The following VPS53 variants were observed in gnomAD, a reference collection of about 807,000 sequenced individuals.
The protein encoded by VPS53 is VPS53 subunit of GARP complex.
A neutral mutation model predicts 107.0 loss-of-function variants in VPS53; 70 were observed. The ratio of observed to expected loss-of-function variants is 0.65; its 90% confidence interval spans 0.54 to 0.80. The LOEUF (loss-of-function observed/expected upper bound fraction) is 0.80. Among genes scored for constraint, VPS53 ranks in the 30% least tolerant of loss-of-function variants. The pLI, the probability that VPS53 is intolerant of heterozygous loss-of-function variation, is 0.00. For synonymous variants in VPS53, 409 were observed against 393.3 expected (o/e 1.04, Z -0.47); for missense variants, 917 against 1,049.4 (o/e 0.87, Z 1.74).
intron 2 of VPS53, among the ~76,000 whole-genome samples, chr17:705,054 A>G (rs1973348814): frequency 6.6e-6 from 1 of 152,210 alleles, no homozygotes; most frequent in Non-Finnish European, 1.5e-5. Flanking sequence ...AAAGTTTGGA[A>G]GGATCTGCCA....
At chr17:685,806 C>G (rs930278911) in intron 4 of VPS53, among the ~76,000 whole-genome samples, 3 of 151,806 alleles carry the variant, frequency 2.0e-5, no homozygotes, top group African/African-American at 7.3e-5. Flanking sequence ...CCAAGACCAG[C>G]CAGAGCAATA....
intron 12 of VPS53, among the ~76,000 whole-genome samples, chr17:598,329 C>T (rs1278798002): frequency 2.8e-5 from 4 of 143,162 alleles, no homozygotes; most frequent in Admixed American, 6.7e-5. Context: ...ACCTCCCAGC[C>T]GCCTGCCTTG....
chr17:521,921 C>T (rs1395077285), intron 19 of VPS53, among the ~76,000 whole-genome samples, 183 bp from the exon 20 acceptor site: 1 of 151,958 alleles, frequency 6.6e-6, no homozygotes, highest in Non-Finnish European at 1.5e-5. Flanking sequence ...CTAGGAGAAA[C>T]AACATCAAGG....
At chr17:609,895 CG>C (rs1567672757) in intron 11 of VPS53, among the ~76,000 whole-genome samples, 1 of 151,860 alleles carries the variant, frequency 6.6e-6, no homozygotes, top group African/African-American at 2.4e-5. Flanking sequence ...TTTGGGAGGC[CG>C]AGGTGGGCGG....
rs536412181 is a variant in VPS53, at chr17:603,726, CTAACA to C, written c.1117-1835_1117-1831del. Among the ~76,000 whole-genome samples, 27 of 152,238 alleles carry C rather than the reference CTAACA, an allele frequency of 1.8e-4. No homozygotes were observed. In the South Asian group the frequency reaches 4.6e-3, roughly 26 times the overall value. Reference sequence around the variant, plus strand: ...ACACTCCAAACTTTGGCTTCTTTACCTAACATGAGAGAAAAAAAATCCTTAAAAAT... The same window carrying C: ...ACACTCCAAACTTTGGCTTCTTTACCTGAGAGAAAAAAAATCCTTAAAAAT... On this transcript the variant is annotated intron_variant, in intron 11 of 21. Coordinates refer to ENST00000437048, the MANE Select transcript of VPS53 (RefSeq NM_001128159.3).
At chr17:551,343 G>A (rs1013034170) in intron 17 of VPS53, among the ~76,000 whole-genome samples, 2 of 152,134 alleles carry the variant, frequency 1.3e-5, no homozygotes, top group African/African-American at 4.8e-5. Context: ...TCGGTGGGAA[G>A]ACTGCTTGAC....
chr17:583,200 G>C (rs1967137630), intron 13 of VPS53, among the ~76,000 whole-genome samples: 2 of 147,772 alleles, frequency 1.4e-5, no homozygotes, highest in African/African-American at 2.5e-5. Context: ...TATGTTCCCA[G>C]AGAACCTCCC....
intron 6 of VPS53, 28 bp downstream of exon 6, chr17:655,810 C>G: frequency 1.3e-6 from 2 of 1,589,792 alleles, no homozygotes; most frequent in African/African-American, 1.3e-5. Context: ...TTCCCGTGGC[C>G]CCAAAAGAGA....
chr17:680,933 A>G (rs894950614), intron 4 of VPS53, among the ~76,000 whole-genome samples: 8 of 152,244 alleles, frequency 5.3e-5, no homozygotes, highest in African/African-American at 1.9e-4. Context: ...AAATTTATTG[A>G]AAGGGTTTAT....
chr17:627,377 G>A (rs550251225), intron 9 of VPS53, 61 bp from the exon 10 acceptor site: 3 of 1,545,226 alleles, frequency 1.9e-6, no homozygotes, highest in Admixed American at 4.1e-5. Flanking sequence ...GCAGTTCAAG[G>A]AAACAAGCAA....
chr17:615,357 A>T (rs1241511129), intron 11 of VPS53, among the ~76,000 whole-genome samples: 1 of 152,210 alleles, frequency 6.6e-6, no homozygotes, highest in Non-Finnish European at 1.5e-5. Context: ...CATCCCACTG[A>T]AGTCAGGAGT....
chr17:522,510 C>T (rs1597241306), intron 19 of VPS53, among the ~76,000 whole-genome samples: 1 of 152,196 alleles, frequency 6.6e-6, no homozygotes, highest in South Asian at 2.1e-4. Context: ...GTTGTGTAAA[C>T]TTTAAGATCT....
intron 7 of VPS53, among the ~76,000 whole-genome samples, chr17:637,570 C>T (rs574271271): frequency 6.6e-6 from 1 of 152,242 alleles, no homozygotes; most frequent in East Asian, 1.9e-4. Flanking sequence ...TTATAAATTT[C>T]CCTCTACACA....
intron 2 of VPS53, among the ~76,000 whole-genome samples, chr17:703,532 T>C (rs1025269691): frequency 2.6e-5 from 4 of 152,174 alleles, no homozygotes; most frequent in East Asian, 1.9e-4. Flanking sequence ...GGAATCCACA[T>C]TGGCTGGGCA....
intron 4 of VPS53, among the ~76,000 whole-genome samples, chr17:667,297 G>A (rs1347212424): frequency 1.6e-5 from 2 of 126,266 alleles, no homozygotes; most frequent in African/African-American, 2.6e-5. Context: ...GCTGACCCTG[G>A]TATAGACTTT....
rs1406441342 is a variant in VPS53 at position 701,822 on chromosome 17, GC to G, written c.169-2443del. Among the ~76,000 whole-genome samples the G allele has an allele frequency of 5.3e-5, 8 of 152,162 alleles. No individual in the cohort carries two copies. The South Asian group carries it at 8.3e-4, about 16-fold the overall frequency. On this transcript the variant is annotated intron_variant, in intron 2 of 21. Transcript: ENST00000437048. ...GCTCACTGTAACCTCAAACTCCTGGGCTCAAGCAATCCTCCCACCCCAGCCT... is the reference window on the plus strand; with the variant it reads ...GCTCACTGTAACCTCAAACTCCTGGGTCAAGCAATCCTCCCACCCCAGCCT...
chr17:673,162 C>A (rs1972033691), intron 4 of VPS53, among the ~76,000 whole-genome samples: 1 of 151,654 alleles, frequency 6.6e-6, no homozygotes, highest in Non-Finnish European at 1.5e-5. Context: ...AGCATCATTT[C>A]GAAAGCCAGG....
chr17:703,802 C>CTTT (rs869170409), intron 2 of VPS53, among the ~76,000 whole-genome samples: 3 of 141,130 alleles, frequency 2.1e-5, no homozygotes, highest in African/African-American at 5.2e-5. Flanking sequence ...AATTTGGCAT[C>CTTT]TTTTTTTTTT....
intron 4 of VPS53, among the ~76,000 whole-genome samples, chr17:681,637 T>C (rs761137784): frequency 1.3e-4 from 20 of 152,140 alleles, no homozygotes; most frequent in Non-Finnish European, 2.2e-4. Flanking sequence ...AATACTTTAA[T>C]ACCCAACTCT....
Sources: allele counts gnomAD v4.1 joint callset (sites outside exome capture counted in the v4.1 genomes callset), GRCh38; gene constraint gnomAD v4.1.1; transcripts MANE v1.5; gene names NCBI Gene and HGNC (gene_info 2026-07-23, HGNC 2026-07-21).